STX16: variants seen among roughly 807,000 people sequenced by gnomAD.
STX16 encodes syntaxin-16.
STX16 carries 28 observed loss-of-function variants against 42.7 expected under a neutral mutation model. The ratio of observed to expected loss-of-function variants is 0.66; its 90% confidence interval spans 0.49 to 0.90. The LOEUF (loss-of-function observed/expected upper bound fraction) is 0.90. STX16 is among the 40% of genes least tolerant of loss of function. The probability of loss-of-function intolerance (pLI) is 0.00; values close to 1 mark genes in which losing one functional copy is unlikely to be tolerated. For synonymous variants in STX16, 156 were observed against 155.2 expected (o/e 1.00, Z -0.04); for missense variants, 361 against 420.9 (o/e 0.86, Z 1.24).
Position 58,679,471 on chromosome 20 carries a change from C to T in STX16, c.*3180C>T, listed in dbSNP as rs1457516983. ...TTACTGTTACTGGAAACTTTTTGTA[C>T]AATAAAGCAATCACGCAGATTAAAG... is the stretch of plus-strand genomic sequence containing the variant. On this transcript the variant is annotated 3_prime_UTR_variant, in exon 9 of 9. Coordinates refer to ENST00000371141, the MANE Select transcript of STX16 (RefSeq NM_001001433.3). 1.3e-5 allele frequency: 2 copies of T among 152,552 alleles called. No individual in the cohort carries two copies. The highest frequency in any genetic ancestry group is 2.9e-5 in the Non-Finnish European group (2 of 68,016). The allele number at this position is 152,552 out of a possible 1,614,324, so 9.4% of individuals were successfully genotyped here.
chr20:58,659,225 CTTATT>C (rs1268979034), intron 1 of STX16, among the ~76,000 whole-genome samples: 4 of 152,152 alleles, frequency 2.6e-5, no homozygotes, highest in Non-Finnish European at 5.9e-5. Flanking sequence ...GCTCTGCTCT[CTTATT>C]TTATTTTCCT....
chr20:58,667,181 T>C, intron 2 of STX16: 1 of 453,440 alleles, frequency 2.2e-6, no homozygotes, highest in African/African-American at 2.0e-5. Context: ...TTTGTTGACT[T>C]TTTCATTACA....
chr20:58,652,376 C>CT (rs143155889), intron 1 of STX16: 12 of 587,112 alleles, frequency 2.0e-5, no homozygotes, highest in Non-Finnish European at 3.4e-5. Flanking sequence ...GCAGCACCCC[C>CT]CCCCCCGCAC....
At chr20:58,667,710 G>C (rs1228743109) in intron 3 of STX16, 113 bp downstream of exon 3, 5 of 1,013,436 alleles carry the variant, frequency 4.9e-6, no homozygotes, top group Non-Finnish European at 7.5e-6. Flanking sequence ...TATATTTCTA[G>C]AAATACTTTA....
Position 58,669,275 on chromosome 20 carries a change from G to T in STX16, c.394-16G>T. On this transcript the variant is annotated splice_polypyrimidine_tract_variant and intron_variant, in intron 4 of 8. Transcript: ENST00000371141. ...CTCTCCCAGGCTTGCCCTGAGCCTCGGGCTTGTTCTCTTAGCTCTTCCACA... is the reference window on the plus strand; with the variant it reads ...CTCTCCCAGGCTTGCCCTGAGCCTCTGGCTTGTTCTCTTAGCTCTTCCACA... 1 of 1,608,094 alleles carries T rather than the reference G, an allele frequency of 6.2e-7. No individual in the cohort carries two copies. The highest frequency in any genetic ancestry group is 1.1e-5 in the South Asian group (1 of 90,904).
At position 58,657,982 on chromosome 20, in the gene STX16, A is replaced by G. The variant is rs139470181; in HGVS notation, c.133-1641A>G. ...CAAGCTCTGTGGCTTCAAGCAATGC[A>G]TTTATACATTTTGAAGCTTAGTTTT... On this transcript the variant is annotated intron_variant, in intron 1 of 8. Coordinates refer to ENST00000371141, the MANE Select transcript of STX16 (RefSeq NM_001001433.3). This position sits in a 1 kb window ranked among gnomAD's most constrained non-coding sequence, Gnocchi z 4.2. 1.3e-3 allele frequency among the ~76,000 whole-genome samples: 195 copies of G among 152,314 alleles called. 3 individuals are homozygous for G. The East Asian group carries it at 0.032, about 25-fold the overall frequency.
chr20:58,672,552 G>T (rs994663748), intron 7 of STX16, among the ~76,000 whole-genome samples: 1 of 151,666 alleles, frequency 6.6e-6, no homozygotes, highest in Non-Finnish European at 1.5e-5. Flanking sequence ...TTCAGATAAG[G>T]GATACTCAGC....
intron 7 of STX16, 58 bp downstream of exon 7, chr20:58,671,355 T>C (rs1568827349): frequency 6.5e-7 from 1 of 1,530,992 alleles, no homozygotes; most frequent in Non-Finnish European, 8.8e-7. Flanking sequence ...CTGTACCTTC[T>C]TTTTCCTGTA....
intron 7 of STX16, among the ~76,000 whole-genome samples, chr20:58,672,142 G>A (rs576852083): frequency 2.0e-5 from 3 of 152,132 alleles, no homozygotes; most frequent in East Asian, 1.9e-4. Context: ...AGACCAGCGC[G>A]GTCAACATGG....
intron 1 of STX16, among the ~76,000 whole-genome samples, chr20:58,652,487 C>T (rs190789081): frequency 6.9e-6 from 1 of 145,726 alleles, no homozygotes; most frequent in African/African-American, 2.5e-5. Context: ...CTTTTTGTTT[C>T]GTTTTGTTTG....
rs1342368758 is a variant in STX16, at chr20:58,678,353, G to GA, written c.*2065dup. 1 of 152,008 alleles carries GA rather than the reference G, an allele frequency of 6.6e-6. No individual in the cohort carries two copies. Among genetic ancestry groups the GA allele is most frequent in the Non-Finnish European group, 1.5e-5 (1 of 68,006 alleles). The allele number at this position is 152,008 out of a possible 1,614,324, so 9.4% of individuals were successfully genotyped here. ...TTGGGTAAAATAACGGATCTGATTAGAAACTGTTTTAAGGAGGGGCTGGGC... is the reference window on the plus strand; with the variant it reads ...TTGGGTAAAATAACGGATCTGATTAGAAAACTGTTTTAAGGAGGGGCTGGGC... On this transcript the variant is annotated 3_prime_UTR_variant, in exon 9 of 9. Transcript: ENST00000371141.
Position 58,651,587 on chromosome 20 carries a change from CAA to C in STX16, c.-418_-417del. ...GGGCACGGCCTAGACGCTTACGAGCCAAAGTTAGGGGTAGAGAGCAGAGACCT... is the reference window on the plus strand; with the variant it reads ...GGGCACGGCCTAGACGCTTACGAGCCAGTTAGGGGTAGAGAGCAGAGACCT... On this transcript the variant is annotated 5_prime_UTR_variant, in exon 1 of 9. Transcript: ENST00000371141. 5.7e-6 allele frequency: 1 copy of C among 175,208 alleles called. No individual in the cohort carries two copies. The highest frequency in any genetic ancestry group is 5.6e-5 in the Admixed American group (1 of 17,828). 10.9% of individuals were successfully genotyped at this position (175,208 alleles called of 1,614,324 possible).
intron 2 of STX16, among the ~76,000 whole-genome samples, chr20:58,662,052 G>A (rs1006161571): frequency 4.6e-5 from 7 of 152,154 alleles, no homozygotes; most frequent in African/African-American, 1.7e-4. Context: ...AGGAGGACCC[G>A]AGCCCACCAT....
rs567893192 is a variant in STX16 at position 58,660,674 on chromosome 20, C to T, written c.144+1040C>T. 2.0e-5 allele frequency among the ~76,000 whole-genome samples: 3 copies of T among 150,042 alleles called. No individual in the cohort carries two copies. In the East Asian group the frequency reaches 5.9e-4, roughly 29 times the overall value. ...CCAGACACATGGCGGAGTGGAAAGA[C>T]CCAGATGCAGAGCAGCATGGATAAT... On this transcript the variant is annotated intron_variant, in intron 2 of 8. Coordinates refer to ENST00000371141, the MANE Select transcript of STX16 (RefSeq NM_001001433.3).
chr20:58,667,339 C>G (rs1211109607), intron 2 of STX16, 151 bp from the exon 3 acceptor site: 1 of 732,562 alleles, frequency 1.4e-6, no homozygotes, highest in Non-Finnish European at 2.4e-6. Flanking sequence ...TCACTCCTTT[C>G]TATATATTTT....
chr20:58,676,492 T>C lies in STX16; in HGVS notation c.*201T>C, dbSNP rs951278690. On this transcript the variant is annotated 3_prime_UTR_variant, in exon 9 of 9. Coordinates refer to ENST00000371141, the MANE Select transcript of STX16 (RefSeq NM_001001433.3). ...GGAATGGGTTTTTGTTTTTCCTTCA[T>C]TGTTGAGAATTTAAGGACCTTTGAT... 45 of 562,936 alleles carry C rather than the reference T, an allele frequency of 8.0e-5. No individual in the cohort carries two copies. Among genetic ancestry groups the C allele is most frequent in the African/African-American group, 7.6e-4 (40 of 52,946 alleles). The allele number at this position is 562,936 out of a possible 1,614,324, so 34.9% of individuals were successfully genotyped here.
At chr20:58,660,325 G>A (rs1202479220) in intron 2 of STX16, among the ~76,000 whole-genome samples, 1 of 152,142 alleles carries the variant, frequency 6.6e-6, no homozygotes, top group East Asian at 1.9e-4. Context: ...GCATTGAAGG[G>A]GTAAGAATAT....
In STX16 at chr20:58,651,692, C is replaced by G; in HGVS notation, c.-315C>G. 1 of 291,226 alleles carries G rather than the reference C, an allele frequency of 3.4e-6. No homozygotes were observed. Among genetic ancestry groups the G allele is most frequent in the Non-Finnish European group, 6.7e-6 (1 of 150,232 alleles). The allele number at this position is 291,226 out of a possible 1,614,324, so 18.0% of individuals were successfully genotyped here. ...ATTGGCGAGTTAGACGCTTGTAGATCCAAGGTTGGATTGGGGTGGGGTCTC... is the reference window on the plus strand; with the variant it reads ...ATTGGCGAGTTAGACGCTTGTAGATGCAAGGTTGGATTGGGGTGGGGTCTC... On this transcript the variant is annotated 5_prime_UTR_variant, in exon 1 of 9. It adds an upstream start codon to the 5' untranslated region. Transcript: ENST00000371141.
At chr20:58,662,579 C>T (rs960546561) in intron 2 of STX16, among the ~76,000 whole-genome samples, 4 of 152,322 alleles carry the variant, frequency 2.6e-5, no homozygotes, top group East Asian at 1.9e-4. Context: ...GGCGCGATCT[C>T]GGCTCACTGC....
Sources: allele counts gnomAD v4.1 joint callset (sites outside exome capture counted in the v4.1 genomes callset), GRCh38; gene constraint gnomAD v4.1.1; non-coding constraint Gnocchi (gnomAD v3.1); transcripts MANE v1.5; gene names NCBI Gene and HGNC (gene_info 2026-07-23, HGNC 2026-07-21).